Variants in HERC4 observed in about 807,000 individuals in gnomAD.
HERC4 encodes HECT and RLD domain containing E3 ubiquitin protein ligase 4.
A neutral mutation model predicts 124.3 loss-of-function variants in HERC4; 28 were observed. The observed-to-expected ratio is 0.23, with a 90% CI of 0.17 to 0.31. The LOEUF (loss-of-function observed/expected upper bound fraction) is 0.31. Among genes scored for constraint, HERC4 ranks in the 10% least tolerant of loss-of-function variants. The pLI is 1.00. For missense variants in HERC4, 713 were observed against 1,229.3 expected, an observed-to-expected ratio of 0.58 and a Z score of 6.28; for synonymous variants, 407 against 421.5, an observed-to-expected ratio of 0.97 and a Z score of 0.42.
At chr10:67,972,847 C>T (rs1382362048) in intron 15 of HERC4, among the ~76,000 whole-genome samples, 2 of 152,108 alleles carry the variant, frequency 1.3e-5, no homozygotes, top group Non-Finnish European at 2.9e-5. Context: ...ATATAAACAA[C>T]ATTTTTGCTA....
At chr10:67,923,181 A>C (rs764132953) in intron 24 of HERC4, 42 bp from the exon 25 acceptor site, 51 of 1,456,896 alleles carry the variant, frequency 3.5e-5, no homozygotes, top group Non-Finnish European at 4.5e-5. Context: ...TTCAAAACAA[A>C]AAGATACAGT....
chr10:68,010,913 C>A, intron 9 of HERC4: 1 of 1,292,716 alleles, frequency 7.7e-7, no homozygotes, highest in Non-Finnish European at 1.1e-6. Flanking sequence ...AAGATTGCAG[C>A]AATTCAGTCA....
At chr10:68,037,435 G>A (rs2039536567) in intron 5 of HERC4, among the ~76,000 whole-genome samples, 1 of 152,136 alleles carries the variant, frequency 6.6e-6, no homozygotes, top group African/African-American at 2.4e-5. Context: ...ACATATGGCA[G>A]ATTCTTTACT....
intron 8 of HERC4, among the ~76,000 whole-genome samples, chr10:68,020,634 T>A (rs1262200066): frequency 6.6e-6 from 1 of 151,102 alleles, no homozygotes; most frequent in Admixed American, 6.6e-5. Context: ...CCGGGCGTAG[T>A]GGCGGGCGCC....
At chr10:68,013,800 C>T (rs761397786) in intron 9 of HERC4, among the ~76,000 whole-genome samples, 1 of 152,166 alleles carries the variant, frequency 6.6e-6, no homozygotes, top group East Asian at 1.9e-4. Context: ...TTCTAGTTCC[C>T]ATATGACCCA....
intron 21 of HERC4, 89 bp from the exon 22 acceptor site, chr10:67,936,324 T>TA (rs959766659): frequency 9.2e-5 from 59 of 638,552 alleles, no homozygotes; most frequent in Middle Eastern, 4.5e-4. Context: ...CTCATTTAAT[T>TA]AAAAAAAACT....
intron 22 of HERC4, among the ~76,000 whole-genome samples, chr10:67,934,787 C>A (rs1242254359): frequency 6.6e-6 from 1 of 151,964 alleles, no homozygotes; most frequent in African/African-American, 2.4e-5. Context: ...GTTTTCTGGA[C>A]AGTTTTAGGG....
At chr10:68,025,511 T>G in intron 8 of HERC4, 35 bp downstream of exon 8, 5 of 1,591,702 alleles carry the variant, frequency 3.1e-6, no homozygotes, top group Non-Finnish European at 3.4e-6. Context: ...AACTGCAGTT[T>G]AGAGACCAAA....
chr10:67,923,867 A>G (rs1467214745), intron 24 of HERC4, among the ~76,000 whole-genome samples: 1 of 152,120 alleles, frequency 6.6e-6, no homozygotes, highest in African/African-American at 2.4e-5. Context: ...AGGAGTATCA[A>G]AGGAAATGTC....
intron 3 of HERC4, chr10:68,068,797 C>G (rs910872586): frequency 2.6e-5 from 4 of 152,298 alleles, no homozygotes; most frequent in African/African-American, 9.7e-5. Flanking sequence ...AGGATAAAAA[C>G]CACAAGATTT....
Position 67,923,006 on chromosome 10 carries a change from T to C in HERC4, c.3075A>G (p.Lys1025=). Residue 1025 remains lysine, a synonymous_variant, in exon 25 of 25, where the codon AAA becomes AAG. Transcript: ENST00000373700. ...HTCFNLLDLP[K]YTEKETLRSK... is the part of the protein sequence containing the mutation. Reference sequence around the variant, plus strand: ...AGCGTAGAGTTTCTTTTTCTGTATATTTTGGAAGATCCAGAAGATTAAAAC... The same window carrying C: ...AGCGTAGAGTTTCTTTTTCTGTATACTTTGGAAGATCCAGAAGATTAAAAC... 6.2e-7 allele frequency: 1 copy of C among 1,613,890 alleles called. No homozygotes were observed. Among genetic ancestry groups the C allele is most frequent in the Non-Finnish European group, 8.5e-7 (1 of 1,179,810 alleles).
At chr10:67,948,991 C>T (rs562001268) in intron 19 of HERC4, among the ~76,000 whole-genome samples, 12 of 152,088 alleles carry the variant, frequency 7.9e-5, no homozygotes, top group Admixed American at 2.6e-4. Flanking sequence ...CGGTGGCTCA[C>T]GCCTGTAATC....
chr10:67,946,822 G>A (rs979950925), intron 19 of HERC4, among the ~76,000 whole-genome samples: 9 of 152,260 alleles, frequency 5.9e-5, no homozygotes, highest in Admixed American at 5.9e-4. Context: ...CAAGAGAATA[G>A]TATGAACCTG....
intron 9 of HERC4, among the ~76,000 whole-genome samples, chr10:68,004,563 T>C (rs2037425986): frequency 1.3e-5 from 2 of 152,188 alleles, no homozygotes; most frequent in African/African-American, 2.4e-5. Context: ...GCTTTTTGTA[T>C]ACAGTGAGAG....
At chr10:67,947,509 T>C (rs1047200520) in intron 19 of HERC4, among the ~76,000 whole-genome samples, 1 of 151,678 alleles carries the variant, frequency 6.6e-6, no homozygotes, top group African/African-American at 2.4e-5. Flanking sequence ...AGATAATAAC[T>C]GGTAGCTTTA....
At chr10:68,061,130 T>C (rs979085777) in intron 3 of HERC4, among the ~76,000 whole-genome samples, 5 of 152,128 alleles carry the variant, frequency 3.3e-5, no homozygotes, top group African/African-American at 1.2e-4. Flanking sequence ...ATTGCCCGCA[T>C]ATATACAACT....
At chr10:67,987,094 T>C (rs1329956158) in intron 15 of HERC4, among the ~76,000 whole-genome samples, 22 of 152,180 alleles carry the variant, frequency 1.4e-4, no homozygotes, top group Non-Finnish European at 1.5e-5. Flanking sequence ...TCCCTTCCCC[T>C]TCAACTATCA....
Position 68,033,977 on chromosome 10 carries a change from T to C in HERC4, c.673A>G (p.Asn225Asp). Reference protein sequence around the residue: ...GRNKFGQLGLNDENDRYVPNL... With the variant: ...GRNKFGQLGLDDENDRYVPNL... ...AATGAGAACCTACCATTTTCATCATTAAGACCTAGCTGACCAAACTTGTTG... is the reference window on the plus strand; with the variant it reads ...AATGAGAACCTACCATTTTCATCATCAAGACCTAGCTGACCAAACTTGTTG... Residue 225 changes from asparagine (N) to aspartate (D), a missense_variant, in exon 6 of 25, where the codon AAT becomes GAT. Asn to Asp is a conservative substitution (Grantham distance 23). Coordinates refer to ENST00000373700, the MANE Select transcript of HERC4 (RefSeq NM_015601.4). 2 of 1,614,016 alleles carry C rather than the reference T, an allele frequency of 1.2e-6. No homozygotes were observed. The highest frequency in any genetic ancestry group is 1.7e-6 in the Non-Finnish European group (2 of 1,179,898).
intron 9 of HERC4, among the ~76,000 whole-genome samples, chr10:68,006,375 GTTTT>G (rs772576805): frequency 7.5e-6 from 1 of 134,036 alleles, no homozygotes; most frequent in East Asian, 2.0e-4. Context: ...TTTTGTTTTT[GTTTT>G]TTTTTTTTTT....
Sources: gnomAD v4.1 joint callset for allele counts (sites outside exome capture counted in the v4.1 genomes callset) on GRCh38, gnomAD v4.1.1 for gene constraint, MANE v1.5 for transcripts, NCBI Gene and HGNC (gene_info 2026-07-23, HGNC 2026-07-21) for gene names.